Variants in ZNF496 observed in about 807,000 individuals in gnomAD.
The protein encoded by ZNF496 is zinc finger protein 496, also known as NSD1 (nuclear receptor binding SET-domain containing 1)-interacting zinc finger protein 1.
A neutral mutation model predicts 58.9 loss-of-function variants in ZNF496; 11 were observed. That is an observed-to-expected ratio of 0.19 (90% CI 0.12 to 0.31). The LOEUF (loss-of-function observed/expected upper bound fraction) is 0.31. Among genes scored for constraint, ZNF496 ranks in the 10% least tolerant of loss-of-function variants. The pLI is 1.00. For missense variants in ZNF496, 660 were observed against 783.0 expected, an observed-to-expected ratio of 0.84 and a Z score of 1.88; for synonymous variants, 338 against 318.2, an observed-to-expected ratio of 1.06 and a Z score of -0.66.
At chr1:247,320,671 T>C (rs1209401716) in intron 6 of ZNF496, among the ~76,000 whole-genome samples, 1 of 152,212 alleles carries the variant, frequency 6.6e-6, no homozygotes, top group Non-Finnish European at 1.5e-5. Flanking sequence ...TCTCTCTGTG[T>C]TATTTCTTAC....
intron 6 of ZNF496, among the ~76,000 whole-genome samples, chr1:247,316,349 C>T (rs1234126580): frequency 8.5e-5 from 13 of 152,104 alleles, no homozygotes; most frequent in Admixed American, 8.5e-4. Flanking sequence ...ACTTGCTATA[C>T]TTTGAATGTG....
intron 6 of ZNF496, among the ~76,000 whole-genome samples, chr1:247,317,692 C>T (rs138221136): frequency 7.2e-5 from 11 of 152,342 alleles, no homozygotes; most frequent in Admixed American, 1.3e-4. Context: ...GACGTTCTCT[C>T]ACCAGGTAAT....
chr1:247,314,621 C>A (rs1201081562), intron 6 of ZNF496, among the ~76,000 whole-genome samples: 3 of 152,086 alleles, frequency 2.0e-5, no homozygotes, highest in Non-Finnish European at 4.4e-5. Flanking sequence ...AAAAAAGGAA[C>A]AGAATAATTT....
At position 247,299,296 on chromosome 1, in the gene ZNF496, G is replaced by A. The variant is rs901895547; in HGVS notation, c.*1223C>T. On this transcript the variant is annotated 3_prime_UTR_variant, in exon 10 of 10. Coordinates refer to ENST00000682384, the MANE Select transcript of ZNF496 (RefSeq NM_032752.3). ...GTCCTTAAACAAAGGGAGGTTTGGA[G>A]ACAGACACGCACACAGCAAGAGTGC... 1 of 152,244 alleles carries A rather than the reference G, an allele frequency of 6.6e-6. No homozygotes were observed. The highest frequency in any genetic ancestry group is 1.5e-5 in the Non-Finnish European group (1 of 68,064). 9.4% of individuals were successfully genotyped at this position (152,244 alleles called of 1,614,324 possible).
chr1:247,328,182 G>T (rs560446580), intron 5 of ZNF496, among the ~76,000 whole-genome samples: 27 of 152,262 alleles, frequency 1.8e-4, no homozygotes, highest in African/African-American at 6.3e-4. Context: ...ATGTGTAGCT[G>T]ATGTTCTGGC....
chr1:247,300,948 G>C lies in ZNF496; in HGVS notation c.1335C>G (p.Ser445Arg), dbSNP rs1406279001. ...GGTGCCCATCCAGGTCCTCGCTGTCGCTGAACAGCTCCCCGCACACCGAGC... is the reference window on the plus strand; with the variant it reads ...GGTGCCCATCCAGGTCCTCGCTGTCCCTGAACAGCTCCCCGCACACCGAGC... ...HECSVCGELFSDSEDLDGHLE... is the reference protein window; with the variant it reads ...HECSVCGELFRDSEDLDGHLE... Residue 445 changes from serine (S) to arginine (R), a missense_variant, in exon 10 of 10, where the codon AGC becomes AGG. Transcript: ENST00000682384. The surrounding 1 kb of genome is among the most constrained non-coding windows in gnomAD (Gnocchi z 5.7). The C allele has an allele frequency of 6.2e-7, 1 of 1,613,914 alleles. No individual in the cohort carries two copies. Among genetic ancestry groups the C allele is most frequent in the Non-Finnish European group, 8.5e-7 (1 of 1,180,004 alleles).
chr1:247,298,395 A>C lies in ZNF496; in HGVS notation c.*2124T>G, dbSNP rs2103013207. 1 of 152,310 alleles carries C rather than the reference A, an allele frequency of 6.6e-6. No individual in the cohort carries two copies. Among genetic ancestry groups the C allele is most frequent in the Middle Eastern group, 3.4e-3 (1 of 294 alleles). The allele number at this position is 152,310 out of a possible 1,614,324, so 9.4% of individuals were successfully genotyped here. ...TTGTGCAGTGGCATGATCTCGGCTT[A>C]CTGCAACTTCTGCCTCCCAGACTCA... On this transcript the variant is annotated 3_prime_UTR_variant, in exon 10 of 10. Transcript: ENST00000682384.
Position 247,301,181 on chromosome 1 carries a change from C to A in ZNF496, c.1102G>T (p.Gly368Cys). The A allele has an allele frequency of 6.3e-7, 1 of 1,595,332 alleles. No homozygotes were observed. The highest frequency in any genetic ancestry group is 8.6e-7 in the Non-Finnish European group (1 of 1,168,752). The change falls in exon 10 of 10, where the codon GGC becomes TGC. Residue 368 changes from glycine (G) to cysteine (C), a missense_variant. By Grantham distance (159) the Gly-to-Cys change is radical. Coordinates refer to ENST00000682384, the MANE Select transcript of ZNF496 (RefSeq NM_032752.3). ...SSSGDEDSQH[G>C]PYCTEELGSP... is the part of the protein sequence containing the mutation. The stretch of plus-strand genomic sequence containing the variant: ...CCCAGCTCTTCTGTGCAGTACGGGC[C>A]ATGCTGGGAGTCCTCGTCCCCAGAG...
At position 247,308,212 on chromosome 1, in the gene ZNF496, G is replaced by A. The variant is rs899078483; in HGVS notation, c.1006+263C>T. Among the ~76,000 whole-genome samples the A allele has an allele frequency of 1.3e-5, 2 of 152,064 alleles. No homozygotes were observed. The highest frequency in any genetic ancestry group is 2.9e-5 in the Non-Finnish European group (2 of 68,008). On this transcript the variant is annotated intron_variant, in intron 9 of 9. Coordinates refer to ENST00000682384, the MANE Select transcript of ZNF496 (RefSeq NM_032752.3). The surrounding 1 kb of genome is among the most constrained non-coding windows in gnomAD (Gnocchi z 4.5). Reference sequence around the variant, plus strand: ...TAAGAACACCACAGCAGAGGTCGGCGGGGATCCTGAGGGGTTCAGTTCCTA... The same window carrying A: ...TAAGAACACCACAGCAGAGGTCGGCAGGGATCCTGAGGGGTTCAGTTCCTA...
chr1:247,306,348 C>A (rs1033982244), intron 9 of ZNF496, among the ~76,000 whole-genome samples: 1 of 152,080 alleles, frequency 6.6e-6, no homozygotes. Flanking sequence ...AGGTGCCCAC[C>A]ACCACGCCTG....
chr1:247,301,118 G>A lies in ZNF496; in HGVS notation c.1165C>T (p.His389Tyr). 1 of 1,613,750 alleles carries A rather than the reference G, an allele frequency of 6.2e-7. No homozygotes were observed. The highest frequency in any genetic ancestry group is 8.5e-7 in the Non-Finnish European group (1 of 1,180,000). ...TEKQRSLPAS[H>Y]RSSTEAGGEV... ...CCTCCGGCCTCGGTGCTGCTCCGGT[G>A]GGAGGCGGGGAGGCTGCGCTGCTTC... Residue 389 changes from histidine to tyrosine, a missense_variant, in exon 10 of 10, where the codon CAC becomes TAC. His to Tyr is a moderately conservative substitution (Grantham distance 83). Transcript: ENST00000682384.
rs573650006 is a variant in ZNF496 at position 247,304,121 on chromosome 1, G to C, written c.1007-2845C>G. On this transcript the variant is annotated intron_variant, in intron 9 of 9. Transcript: ENST00000682384. ...AGGACTTCTGGGATTCTACAAACTG[G>C]CCGATAGATCTATCTGGCTATGAAT... 1.5e-5 allele frequency: 6 copies of C among 394,880 alleles called. No homozygotes were observed. The East Asian group carries it at 4.7e-4, about 31-fold the overall frequency. The allele number at this position is 394,880 out of a possible 1,614,324, so 24.5% of individuals were successfully genotyped here.
At chr1:247,326,101 T>C (rs1415002873) in intron 5 of ZNF496, among the ~76,000 whole-genome samples, 4 of 149,620 alleles carry the variant, frequency 2.7e-5, no homozygotes, top group Non-Finnish European at 5.9e-5. Context: ...CACACACATA[T>C]ATATACACAC....
At chr1:247,307,266 C>T (rs1659444066) in intron 9 of ZNF496, 1 of 985,418 alleles carries the variant, frequency 1.0e-6, no homozygotes, top group Non-Finnish European at 1.2e-6. Flanking sequence ...AAGTACAGTG[C>T]CCACTCTTTG....
Position 247,301,104 on chromosome 1 carries a change from G to A in ZNF496, c.1179C>T (p.Thr393=), listed in dbSNP as rs1659222108. 1 of 1,613,828 alleles carries A rather than the reference G, an allele frequency of 6.2e-7. No individual in the cohort carries two copies. Among genetic ancestry groups the A allele is most frequent in the Non-Finnish European group, 8.5e-7 (1 of 1,180,036 alleles). ...AGGTCTGCACCTCGCCTCCGGCCTCGGTGCTGCTCCGGTGGGAGGCGGGGA... is the reference window on the plus strand; with the variant it reads ...AGGTCTGCACCTCGCCTCCGGCCTCAGTGCTGCTCCGGTGGGAGGCGGGGA... ...RSLPASHRSS[T]EAGGEVQTSK... Residue 393 remains threonine (T), a synonymous_variant, in exon 10 of 10, where the codon ACC becomes ACT. Transcript: ENST00000682384.
chr1:247,324,142 A>G (rs1660047039), intron 5 of ZNF496, among the ~76,000 whole-genome samples: 1 of 152,216 alleles, frequency 6.6e-6, no homozygotes, highest in Admixed American at 6.5e-5. Flanking sequence ...ACTCCATAAA[A>G]AAAGAAGGAA....
At chr1:247,324,649 T>C (rs760505977) in intron 5 of ZNF496, among the ~76,000 whole-genome samples, 12 of 152,118 alleles carry the variant, frequency 7.9e-5, no homozygotes, top group Non-Finnish European at 1.5e-4. Flanking sequence ...TGTGCCACCA[T>C]GCCCAGCTAA....
Position 247,329,272 on chromosome 1 carries a change from G to A in ZNF496, c.307C>T (p.Arg103Trp). 3.7e-6 allele frequency: 6 copies of A among 1,613,578 alleles called. No homozygotes were observed. Among genetic ancestry groups the A allele is most frequent in the Non-Finnish European group, 5.1e-6 (6 of 1,179,994 alleles). The change falls in exon 4 of 10, where the codon CGG (arginine) becomes TGG (tryptophan). Residue 103 changes from arginine to tryptophan, a missense_variant. Transcript: ENST00000682384. This position sits in a 1 kb window ranked among gnomAD's most constrained non-coding sequence, Gnocchi z 5.5. ...TCTCCGCTCTCAGGCTCCTGCGCCC[G>A]CACCCAGCTCTGGATCTCCCGGGGC... ...ILPREIQSWV[R>W]AQEPESGEQA...
chr1:247,318,959 T>C (rs1489823056), intron 6 of ZNF496, among the ~76,000 whole-genome samples: 1 of 152,116 alleles, frequency 6.6e-6, no homozygotes, highest in Non-Finnish European at 1.5e-5. Context: ...GATGAGGGTA[T>C]GTAAAAGGAG....
Sources: allele counts gnomAD v4.1 joint callset (sites outside exome capture counted in the v4.1 genomes callset), GRCh38; gene constraint gnomAD v4.1.1; non-coding constraint Gnocchi (gnomAD v3.1); transcripts MANE v1.5; gene names NCBI Gene and HGNC (gene_info 2026-07-23, HGNC 2026-07-21).